ATP10B: variants seen among roughly 807,000 people sequenced by gnomAD.
ATP10B encodes the protein phospholipid-transporting ATPase VB.
In ATP10B, 122 loss-of-function variants were observed where a neutral mutation model predicts 141.2. The ratio of observed to expected loss-of-function variants is 0.86; its 90% CI spans 0.75 to 1.00. The LOEUF is 1.00. ATP10B is among the 50% of genes least tolerant of loss of function. The pLI, the probability that ATP10B is intolerant of heterozygous loss-of-function variation, is 0.00. For synonymous variants in ATP10B, 685 were observed against 692.0 expected (o/e 0.99, Z 0.16); for missense variants, 1,876 against 1,825.3 (o/e 1.03, Z -0.51).
rs1014899167 is a variant in ATP10B, at chr5:160,736,388, C to G, written c.-330-19354G>C. On this transcript the variant is annotated intron_variant, in intron 2 of 25. Coordinates refer to ENST00000327245, the MANE Select transcript of ATP10B (RefSeq NM_025153.3). ...AAATGAGCAAATTTCTAGACACATACAACCTACCAAGACTGAACGAGAAAG... is the reference window on the plus strand; with the variant it reads ...AAATGAGCAAATTTCTAGACACATAGAACCTACCAAGACTGAACGAGAAAG... 1.6e-4 allele frequency among the ~76,000 whole-genome samples: 25 copies of G among 152,152 alleles called. 1 individual carries two copies. The highest frequency in any genetic ancestry group is 3.7e-4 in the Non-Finnish European group (25 of 68,018).
chr5:160,797,332 T>C (rs934833292), intron 1 of ATP10B, among the ~76,000 whole-genome samples: 8 of 152,202 alleles, frequency 5.3e-5, no homozygotes, highest in African/African-American at 1.9e-4. Context: ...GCTCCCCTTT[T>C]GCTCTGAAAG....
intron 2 of ATP10B, among the ~76,000 whole-genome samples, chr5:160,760,711 C>G (rs1220220478): frequency 1.3e-5 from 2 of 152,204 alleles, no homozygotes; most frequent in Non-Finnish European, 2.9e-5. Context: ...GCCTTGCTGG[C>G]TGCATGGGAG....
chr5:160,629,227 G>A (rs1291923257), intron 13 of ATP10B, among the ~76,000 whole-genome samples: 1 of 152,066 alleles, frequency 6.6e-6, no homozygotes, highest in Non-Finnish European at 1.5e-5. Flanking sequence ...GTGGGTGGGG[G>A]TGGGCACCGA....
intron 1 of ATP10B, among the ~76,000 whole-genome samples, chr5:160,812,020 C>CACAGAGAGAG (rs1211580744): frequency 0.017 from 1,878 of 111,504 alleles, 51 homozygotes; most frequent in East Asian, 0.096. Flanking sequence ...GAGACAGAGA[C>CACAGAGAGAG]AGAGAGAGAG....
At chr5:160,813,144 G>A (rs1773294231) in intron 1 of ATP10B, among the ~76,000 whole-genome samples, 1 of 152,230 alleles carries the variant, frequency 6.6e-6, no homozygotes, top group East Asian at 1.9e-4. Context: ...ATGCAGGACA[G>A]TGGGTGCAGT....
Position 160,687,946 on chromosome 5 carries a change from T to C in ATP10B, c.129A>G (p.Thr43=). 17 of 1,614,166 alleles carry C rather than the reference T, an allele frequency of 1.1e-5. No homozygotes were observed. Among genetic ancestry groups the C allele is most frequent in the Non-Finnish European group, 1.4e-5 (17 of 1,180,038 alleles). The change falls in exon 5 of 26, where the codon ACA becomes ACG. Residue 43 remains threonine (T), a synonymous_variant. Transcript: ENST00000327245. Reference sequence around the variant, plus strand: ...TGTTGGGGAACACGACCCGCTGCTGTGTCAAGTTGTAGCTCTGTCTCCCTT... The same window carrying C: ...TGTTGGGGAACACGACCCGCTGCTGCGTCAAGTTGTAGCTCTGTCTCCCTT... The part of the protein sequence containing the change: ...PEKGRQSYNL[T]QQRVVFPNNS...
chr5:160,818,269 G>C (rs572852654), intron 1 of ATP10B, among the ~76,000 whole-genome samples: 35 of 152,200 alleles, frequency 2.3e-4, no homozygotes, highest in African/African-American at 7.2e-4. Flanking sequence ...GGGCTAATAT[G>C]CAGAATCTAC....
chr5:160,782,805 C>A, intron 2 of ATP10B, among the ~76,000 whole-genome samples: 1 of 151,228 alleles, frequency 6.6e-6, no homozygotes, highest in East Asian at 2.0e-4. Flanking sequence ...CACACACACA[C>A]AAACTACAAA....
In ATP10B at chr5:160,602,709, G is replaced by A; in HGVS notation, c.3238-7C>T. On this transcript the variant is annotated splice_polypyrimidine_tract_variant and splice_region_variant and intron_variant, in intron 20 of 25. Transcript: ENST00000327245. ...AGTCGCTGGACATGACAGCCTGAGA[G>A]GTGAGAACAGACACATCAGCTTCCA... is the stretch of plus-strand genomic sequence containing the variant. 2 of 1,613,682 alleles carry A rather than the reference G, an allele frequency of 1.2e-6. No homozygotes were observed. Among genetic ancestry groups the A allele is most frequent in the Non-Finnish European group, 1.7e-6 (2 of 1,179,674 alleles).
chr5:160,704,833 C>T (rs374606787), intron 3 of ATP10B, among the ~76,000 whole-genome samples: 18 of 150,418 alleles, frequency 1.2e-4, no homozygotes, highest in African/African-American at 3.2e-4. Context: ...CTTGCAGTCT[C>T]GCAGTTTTAT....
At chr5:160,677,859 T>C (rs1763131154) in intron 6 of ATP10B, among the ~76,000 whole-genome samples, 1 of 152,206 alleles carries the variant, frequency 6.6e-6, no homozygotes, top group South Asian at 2.1e-4. Flanking sequence ...TCATCTTCTT[T>C]TGGGGGTTTC....
At chr5:160,790,882 T>A (rs1191159212) in intron 1 of ATP10B, among the ~76,000 whole-genome samples, 3 of 151,986 alleles carry the variant, frequency 2.0e-5, no homozygotes, top group Non-Finnish European at 4.4e-5. Flanking sequence ...ATCACATGAG[T>A]CCTTTAAGGT....
chr5:160,772,586 C>T (rs1769986264), intron 2 of ATP10B, among the ~76,000 whole-genome samples: 1 of 152,188 alleles, frequency 6.6e-6, no homozygotes, highest in Non-Finnish European at 1.5e-5. Context: ...GCATTAGATT[C>T]TTGTAAGGAG....
intron 2 of ATP10B, among the ~76,000 whole-genome samples, chr5:160,747,510 TA>T (rs1370563382): frequency 6.6e-6 from 1 of 152,164 alleles, no homozygotes; most frequent in African/African-American, 2.4e-5. Flanking sequence ...TAATCTAAAA[TA>T]ATATGTCCTT....
At chr5:160,764,257 C>CAAT (rs1364118390) in intron 2 of ATP10B, among the ~76,000 whole-genome samples, 1 of 151,360 alleles carries the variant, frequency 6.6e-6, no homozygotes, top group Non-Finnish European at 1.5e-5. Flanking sequence ...ATAACAACAA[C>CAAT]AACAACAAAA....
At chr5:160,649,826 T>C (rs1456008870) in intron 7 of ATP10B, among the ~76,000 whole-genome samples, 3 of 152,032 alleles carry the variant, frequency 2.0e-5, no homozygotes, top group African/African-American at 2.4e-5. Flanking sequence ...TTTAAATATA[T>C]ATATCCATTA....
intron 7 of ATP10B, among the ~76,000 whole-genome samples, chr5:160,658,679 G>T (rs1375504055): frequency 6.6e-6 from 1 of 152,294 alleles, no homozygotes; most frequent in South Asian, 2.1e-4. Context: ...AGGGAAGGTT[G>T]CTAGACCCTC....
intron 8 of ATP10B, among the ~76,000 whole-genome samples, chr5:160,647,392 G>A (rs1187462437): frequency 1.3e-5 from 2 of 152,188 alleles, no homozygotes; most frequent in Non-Finnish European, 2.9e-5. Flanking sequence ...CTACTCCGCA[G>A]TCCAACTGGA....
At chr5:160,731,554 T>C (rs1049950428) in intron 2 of ATP10B, among the ~76,000 whole-genome samples, 1 of 152,184 alleles carries the variant, frequency 6.6e-6, no homozygotes, top group African/African-American at 2.4e-5. Flanking sequence ...GGGAGTTGTA[T>C]GGAGAATGGG....
Sources: gnomAD v4.1 joint callset for allele counts (sites outside exome capture counted in the v4.1 genomes callset) on GRCh38, gnomAD v4.1.1 for gene constraint, MANE v1.5 for transcripts, NCBI Gene and HGNC (gene_info 2026-07-23, HGNC 2026-07-21) for gene names.